ACAT2: variants seen among roughly 807,000 people sequenced by gnomAD.
ACAT2 encodes acetyl-CoA acetyltransferase 2.
Under a neutral mutation model 37.1 loss-of-function variants are expected in ACAT2, and 26 were observed. The ratio of observed to expected loss-of-function variants is 0.70; its 90% CI spans 0.51 to 0.97. The LOEUF (loss-of-function observed/expected upper bound fraction) is 0.97. Ranked by LOEUF, ACAT2 falls within the 50% of genes least tolerant of loss-of-function variation. The probability of loss-of-function intolerance (pLI) is 0.00; values close to 1 mark genes in which losing one functional copy is unlikely to be tolerated. For missense variants in ACAT2, 468 were observed against 489.0 expected (o/e 0.96, Z 0.40); for synonymous variants, 156 against 163.6 (o/e 0.95, Z 0.35).
rs530565080 is a variant in ACAT2, at chr6:159,762,702, G to T, written c.56-217G>T. On this transcript the variant is annotated intron_variant, in intron 1 of 8. Coordinates refer to ENST00000367048, the MANE Select transcript of ACAT2 (RefSeq NM_005891.3). ...AGGGCTACAGCGGCGTCCCTAGGCC[G>T]TTCTGGAGGTCGCCTGTCCAGCCCT... 5 of 1,516,978 alleles carry T rather than the reference G, an allele frequency of 3.3e-6. No homozygotes were observed. In the African/African-American group the frequency reaches 6.9e-5, roughly 21 times the overall value. 94.0% of individuals were successfully genotyped at this position (1,516,978 alleles called of 1,614,324 possible).
chr6:159,777,342 G>A lies in ACAT2; in HGVS notation c.798G>A (p.Lys266=). 5 of 1,614,178 alleles carry A rather than the reference G, an allele frequency of 3.1e-6. No homozygotes were observed. The highest frequency in any genetic ancestry group is 4.2e-6 in the Non-Finnish European group (5 of 1,180,030). ...DGAAAVVLMK[K]SEADKRGLTP... is the part of the protein sequence containing the mutation. ...CTGCAGCTGTCGTTCTTATGAAGAA[G>A]TCAGAAGCTGATAAACGTGGGCTTA... Residue 266 remains lysine, a synonymous_variant, in exon 7 of 9, where the codon AAG becomes AAA. Coordinates refer to ENST00000367048, the MANE Select transcript of ACAT2 (RefSeq NM_005891.3).
At chr6:159,762,659 C>CGGATTTGGGGAAATAGAAGGGCT in intron 1 of ACAT2, 1 of 1,460,746 alleles carries the variant, frequency 6.8e-7, no homozygotes, top group Non-Finnish European at 9.1e-7. Context: ...TCCAGTCCTT[C>CGGATTTGGGGAAATAGAAGGGCT]GGATTTGGGG....
At chr6:159,768,423 T>G in intron 3 of ACAT2, 88 bp from the exon 4 acceptor site, 1 of 994,790 alleles carries the variant, frequency 1.0e-6, no homozygotes, top group Non-Finnish European at 1.6e-6. Context: ...GATGAAGACT[T>G]AGGAAATACT....
chr6:159,774,608 G>A (rs959730425), intron 4 of ACAT2, among the ~76,000 whole-genome samples: 8 of 151,998 alleles, frequency 5.3e-5, no homozygotes, highest in South Asian at 2.1e-4. Flanking sequence ...CACCATGCCC[G>A]GCTAAATTTA....
At chr6:159,772,012 T>TC (rs1307915949) in intron 4 of ACAT2, among the ~76,000 whole-genome samples, 1 of 151,978 alleles carries the variant, frequency 6.6e-6, no homozygotes, top group East Asian at 1.9e-4. Context: ...GATCATGAGG[T>TC]CAGGAGATTG....
chr6:159,762,828 C>A, intron 1 of ACAT2, 91 bp from the exon 2 acceptor site: 1 of 1,596,256 alleles, frequency 6.3e-7, no homozygotes, highest in Non-Finnish European at 8.5e-7. Context: ...GTGGCCTTGC[C>A]AAACAGGGTC....
intron 5 of ACAT2, 60 bp from the exon 6 acceptor site, chr6:159,776,090 C>G: frequency 1.3e-6 from 2 of 1,577,752 alleles, no homozygotes; most frequent in Non-Finnish European, 1.7e-6. Flanking sequence ...ACCCACCATT[C>G]CCAGCACACT....
At chr6:159,776,084 A>AC (rs748793725) in intron 5 of ACAT2, 66 bp from the exon 6 acceptor site, 33 of 1,552,268 alleles carry the variant, frequency 2.1e-5, no homozygotes, top group Non-Finnish European at 2.9e-5. Context: ...CAGAGAACCC[A>AC]CCATTCCCAG....
At position 159,775,200 on chromosome 6, in the gene ACAT2, G is replaced by T; in HGVS notation, c.521G>T (p.Ser174Ile). ...AENVAKKWQV[S>I]REDQDKVAVL... is the part of the protein sequence containing the mutation. ...AATGTAGCCAAAAAATGGCAAGTGAGTAGAGAAGATCAGGACAAGGTTGCA... is the reference window on the plus strand; with the variant it reads ...AATGTAGCCAAAAAATGGCAAGTGATTAGAGAAGATCAGGACAAGGTTGCA... The change falls in exon 5 of 9, where the codon AGT becomes ATT. Residue 174 changes from serine (S) to isoleucine (I), a missense_variant. Ser to Ile is a moderately radical substitution (Grantham distance 142). Coordinates refer to ENST00000367048, the MANE Select transcript of ACAT2 (RefSeq NM_005891.3). 6.2e-7 allele frequency: 1 copy of T among 1,614,062 alleles called. No individual in the cohort carries two copies. Among genetic ancestry groups the T allele is most frequent in the Non-Finnish European group, 8.5e-7 (1 of 1,179,986 alleles).
chr6:159,767,158 T>C lies in ACAT2; in HGVS notation c.344T>C (p.Val115Ala), dbSNP rs762971455. ...GGGATAGGAGACTCCAGCATTGTGGTTGCAGGAGGCATGGAAAATATGAGC... is the reference window on the plus strand; with the variant it reads ...GGGATAGGAGACTCCAGCATTGTGGCTGCAGGAGGCATGGAAAATATGAGC... The part of the protein sequence containing the change: ...SIGIGDSSIV[V>A]AGGMENMSKA... Residue 115 changes from valine to alanine, a missense_variant, in exon 3 of 9, where the codon GTT becomes GCT. By Grantham distance (64) the Val-to-Ala change is moderately conservative. Transcript: ENST00000367048. 6 of 1,614,224 alleles carry C rather than the reference T, an allele frequency of 3.7e-6. No homozygotes were observed. The highest frequency in any genetic ancestry group is 5.1e-6 in the Non-Finnish European group (6 of 1,180,036).
chr6:159,769,387 A>G (rs1166782859), intron 4 of ACAT2, among the ~76,000 whole-genome samples: 1 of 152,188 alleles, frequency 6.6e-6, no homozygotes, highest in East Asian at 1.9e-4. Context: ...CAACTGCCTC[A>G]ACCATAACTA....
rs1780249822 is a variant in ACAT2, at chr6:159,765,985, AT to A, written c.191-1018del. ...AGTAACCACTTTATAAACATTTACC[AT>A]TGACTCTGATAACAGACAATGGCGA... On this transcript the variant is annotated intron_variant, in intron 2 of 8. Coordinates refer to ENST00000367048, the MANE Select transcript of ACAT2 (RefSeq NM_005891.3). 3.9e-5 allele frequency among the ~76,000 whole-genome samples: 6 copies of A among 152,196 alleles called. No homozygotes were observed. The South Asian group carries it at 1.2e-3, about 31-fold the overall frequency.
At chr6:159,774,373 C>T (rs903000500) in intron 4 of ACAT2, among the ~76,000 whole-genome samples, 2 of 152,198 alleles carry the variant, frequency 1.3e-5, no homozygotes, top group African/African-American at 2.4e-5. Context: ...GCTAGAAGGA[C>T]ATTACTGAAA....
intron 4 of ACAT2, among the ~76,000 whole-genome samples, chr6:159,771,854 A>G (rs1284950106): frequency 6.6e-5 from 10 of 152,070 alleles, no homozygotes; most frequent in Non-Finnish European, 2.9e-5. Context: ...ATCATAGTCT[A>G]CTATGATTGC....
chr6:159,765,616 G>C (rs1365525042), intron 2 of ACAT2, among the ~76,000 whole-genome samples: 1 of 150,292 alleles, frequency 6.7e-6, no homozygotes, highest in African/African-American at 2.5e-5. Context: ...TTTTAGTAGA[G>C]AGGGGGGGTT....
chr6:159,776,929 C>T (rs748987187), intron 6 of ACAT2, among the ~76,000 whole-genome samples: 1 of 152,180 alleles, frequency 6.6e-6, no homozygotes, highest in Non-Finnish European at 1.5e-5. Flanking sequence ...GCTGGGACTA[C>T]AGGCGCACAC....
Position 159,778,284 on chromosome 6 carries a change from A to C in ACAT2, c.1023+4A>C. The C allele has an allele frequency of 6.4e-7, 1 of 1,574,474 alleles. No individual in the cohort carries two copies. On this transcript the variant is annotated splice_donor_region_variant and intron_variant, in intron 8 of 8. Transcript: ENST00000367048. ...ACTTGGATTAAACCCAGAGAAGGTA[A>C]AGATGCACAAGTAACCCTGAGAGCT...
intron 4 of ACAT2, among the ~76,000 whole-genome samples, chr6:159,772,809 CAAA>C (rs79050096): frequency 2.5e-5 from 3 of 119,172 alleles, no homozygotes; most frequent in Admixed American, 7.9e-5. Flanking sequence ...CATCATCCAA[CAAA>C]AAAAAAAAAA....
In ACAT2 at chr6:159,778,787, T is replaced by G; in HGVS notation, c.1152T>G (p.Ile384Met). ...GTCGTGGTGTTGCAGCCCTGTGCAT[T>G]GGGGGTGGGATGGGAATAGCAATGT... ...GRSRGVAALCIGGGMGIAMCV... is the reference protein window; with the variant it reads ...GRSRGVAALCMGGGMGIAMCV... The change falls in exon 9 of 9, where the codon ATT becomes ATG. Residue 384 changes from isoleucine to methionine, a missense_variant. Ile to Met is a conservative substitution (Grantham distance 10). Coordinates refer to ENST00000367048, the MANE Select transcript of ACAT2 (RefSeq NM_005891.3). 6.2e-7 allele frequency: 1 copy of G among 1,614,146 alleles called. No homozygotes were observed. Among genetic ancestry groups the G allele is most frequent in the Non-Finnish European group, 8.5e-7 (1 of 1,180,030 alleles).
Sources: gnomAD v4.1 joint callset for allele counts (sites outside exome capture counted in the v4.1 genomes callset) on GRCh38, gnomAD v4.1.1 for gene constraint, MANE v1.5 for transcripts, NCBI Gene and HGNC (gene_info 2026-07-23, HGNC 2026-07-21) for gene names.